Variants in EFR3A observed in about 807,000 individuals in gnomAD.
The protein encoded by EFR3A is EFR3 homolog A.
Under a neutral mutation model 104.4 loss-of-function variants are expected in EFR3A, and 76 were observed. That is an observed-to-expected ratio of 0.73 (90% CI 0.60 to 0.88). The LOEUF is 0.88. EFR3A is among the 40% of genes least tolerant of loss of function. The pLI is 0.00. For missense variants in EFR3A, 985 were observed against 1,012.5 expected (o/e 0.97, Z 0.37); for synonymous variants, 330 against 330.0 (o/e 1.00, Z 0.00).
chr8:131,972,138 A>G (rs939207136), intron 10 of EFR3A, among the ~76,000 whole-genome samples: 2 of 152,202 alleles, frequency 1.3e-5, no homozygotes, highest in African/African-American at 2.4e-5. Context: ...TATGAACTCA[A>G]TGGATTTATA....
rs753885661 is a variant in EFR3A at position 132,001,819 on chromosome 8, T to C, written c.2206+12T>C. 6.2e-7 allele frequency: 1 copy of C among 1,611,256 alleles called. No individual in the cohort carries two copies. The highest frequency in any genetic ancestry group is 1.3e-5 in the African/African-American group (1 of 74,866). ...GAAGAAAGCAATTGGTGAGATATTT[T>C]GCACTTGTTAGTACTACCAATATTT... On this transcript the variant is annotated intron_variant, in intron 20 of 22. Transcript: ENST00000254624.
chr8:131,995,907 C>G (rs921575048), intron 18 of EFR3A, among the ~76,000 whole-genome samples: 1 of 152,178 alleles, frequency 6.6e-6, no homozygotes, highest in African/African-American at 2.4e-5. Context: ...CAAATTCTTT[C>G]AGCCCACAAA....
chr8:131,941,715 G>A (rs1429448553), intron 2 of EFR3A, among the ~76,000 whole-genome samples: 1 of 152,064 alleles, frequency 6.6e-6, no homozygotes, highest in East Asian at 1.9e-4. Context: ...TATCACTGTG[G>A]GTTGGGAACC....
At chr8:131,933,227 C>T (rs1817705197) in intron 1 of EFR3A, among the ~76,000 whole-genome samples, 1 of 152,130 alleles carries the variant, frequency 6.6e-6, no homozygotes, top group Non-Finnish European at 1.5e-5. Context: ...GATTGGGACA[C>T]CGGGGCGGTA....
chr8:131,955,847 G>T lies in EFR3A; in HGVS notation c.718G>T (p.Glu240Ter). 6.2e-7 allele frequency: 1 copy of T among 1,613,634 alleles called. No individual in the cohort carries two copies. The highest frequency in any genetic ancestry group is 1.1e-5 in the South Asian group (1 of 91,070). The change falls in exon 7 of 23, where the codon GAA (glutamate) becomes TAA (stop). Residue 240 changes from glutamate to a stop codon, truncating the protein, a stop_gained. Transcript: ENST00000254624. LOFTEE classifies it high-confidence loss of function. ...TGTGCTGGCTGAAAACTGTTTCAGA[G>T]AACTGCTGGGTCGAGCAACTTTTGG... ...PAVLAENCFR[E>*]LLGRATFGNM... is the part of the protein sequence containing the mutation.
At chr8:131,944,473 C>T (rs992363105) in intron 2 of EFR3A, among the ~76,000 whole-genome samples, 3 of 152,046 alleles carry the variant, frequency 2.0e-5, no homozygotes, top group African/African-American at 4.8e-5. Context: ...CTATATACTA[C>T]AGATAATTGA....
At chr8:131,929,580 A>T (rs1817482411) in intron 1 of EFR3A, among the ~76,000 whole-genome samples, 1 of 152,156 alleles carries the variant, frequency 6.6e-6, no homozygotes, top group Non-Finnish European at 1.5e-5. Context: ...GTATGTGATT[A>T]TCTTTTCCCA....
At chr8:132,007,485 A>G (rs1822111326) in intron 22 of EFR3A, among the ~76,000 whole-genome samples, 1 of 151,962 alleles carries the variant, frequency 6.6e-6, no homozygotes, top group Non-Finnish European at 1.5e-5. Flanking sequence ...TAAACAAAGG[A>G]GAGATATACC....
chr8:131,974,590 C>T (rs551036602), intron 10 of EFR3A, among the ~76,000 whole-genome samples: 1 of 152,266 alleles, frequency 6.6e-6, no homozygotes, highest in East Asian at 1.9e-4. Flanking sequence ...CTTGACTTCT[C>T]TTATCCTCAT....
At chr8:131,949,486 T>G (rs1818593846) in intron 4 of EFR3A, among the ~76,000 whole-genome samples, 1 of 152,114 alleles carries the variant, frequency 6.6e-6, no homozygotes, top group Non-Finnish European at 1.5e-5. Flanking sequence ...TTCTTCCTCT[T>G]GTTTTCTAAA....
Position 131,904,303 on chromosome 8 carries a change from C to T in EFR3A, c.-10C>T. ...GCCTCGGTGCGGCGGCGAGCGCGGT[C>T]GAGATCGCCATGCCTACCCGTGAGT... On this transcript the variant is annotated 5_prime_UTR_variant, in exon 1 of 23. Coordinates refer to ENST00000254624, the MANE Select transcript of EFR3A (RefSeq NM_015137.6). 5 of 1,265,764 alleles carry T rather than the reference C, an allele frequency of 4.0e-6. No individual in the cohort carries two copies. The highest frequency in any genetic ancestry group is 1.5e-5 in the African/African-American group (1 of 64,712). The allele number at this position is 1,265,764 out of a possible 1,614,324, so 78.4% of individuals were successfully genotyped here.
intron 10 of EFR3A, among the ~76,000 whole-genome samples, chr8:131,971,911 C>T (rs528340976): frequency 3.3e-5 from 5 of 152,178 alleles, no homozygotes; most frequent in South Asian, 4.2e-4. Context: ...TCAGATCATG[C>T]GGATATTCTG....
chr8:131,910,420 C>T (rs967136000), intron 1 of EFR3A, among the ~76,000 whole-genome samples: 5 of 152,040 alleles, frequency 3.3e-5, no homozygotes, highest in African/African-American at 7.2e-5. Flanking sequence ...TACAGGTGTG[C>T]GCCACCACGC....
intron 22 of EFR3A, among the ~76,000 whole-genome samples, chr8:132,007,036 A>G (rs1025071470): frequency 6.6e-6 from 1 of 151,952 alleles, no homozygotes; most frequent in South Asian, 2.1e-4. Flanking sequence ...AAAAAAATCT[A>G]TTGCTGATGT....
At chr8:132,009,627 A>T (rs75315260) in intron 22 of EFR3A, among the ~76,000 whole-genome samples, 6,285 of 152,144 alleles carry the variant, frequency 0.041, 316 homozygotes, top group East Asian at 0.12. Flanking sequence ...AGTTGATCTC[A>T]TTTGGACAAC....
rs948030086 is a variant in EFR3A, at chr8:131,959,517, G to T, written c.777-68G>T. 4 of 1,283,132 alleles carry T rather than the reference G, an allele frequency of 3.1e-6. No homozygotes were observed. In the African/African-American group the frequency reaches 4.5e-5, roughly 14 times the overall value. The allele number at this position is 1,283,132 out of a possible 1,614,324, so 79.5% of individuals were successfully genotyped here. A position where few individuals can be genotyped will look rare whatever the true frequency, so the allele number is the denominator to read the frequency against. ...TTCTCACTATTAAGCTTTTCCTATT[G>T]TTGAGGTTTCTAGAGGAAGAAAGTA... On this transcript the variant is annotated intron_variant, in intron 7 of 22. Coordinates refer to ENST00000254624, the MANE Select transcript of EFR3A (RefSeq NM_015137.6).
chr8:131,969,524 GTTTTTTTT>G (rs112899303), intron 9 of EFR3A, among the ~76,000 whole-genome samples: 1 of 135,470 alleles, frequency 7.4e-6, no homozygotes, highest in Admixed American at 7.3e-5. Flanking sequence ...ATTTGTGTGT[GTTTTTTTT>G]TTTTATCGTG....
intron 8 of EFR3A, among the ~76,000 whole-genome samples, chr8:131,964,561 C>G (rs546132578): frequency 6.6e-6 from 1 of 151,972 alleles, no homozygotes; most frequent in African/African-American, 2.4e-5. Flanking sequence ...CACTGCTCAA[C>G]GAAATAAAAG....
intron 1 of EFR3A, chr8:131,938,208 A>C: frequency 2.5e-6 from 1 of 397,780 alleles, no homozygotes; most frequent in East Asian, 3.6e-5. Context: ...ATCGACTAGA[A>C]AATAGTCTGA....
Sources: gnomAD v4.1 joint callset for allele counts (sites outside exome capture counted in the v4.1 genomes callset) on GRCh38, gnomAD v4.1.1 for gene constraint, MANE v1.5 for transcripts, NCBI Gene and HGNC (gene_info 2026-07-23, HGNC 2026-07-21) for gene names.